MGST1: variants seen among roughly 807,000 people sequenced by gnomAD.
MGST1 encodes glutathione S-transferase 12.
Under a neutral mutation model 8.9 loss-of-function variants are expected in MGST1, and 5 were observed. The observed-to-expected ratio is 0.56, with a 90% CI of 0.29 to 1.19. MGST1 has a LOEUF of 1.19. MGST1 is among the 50% of genes most tolerant of loss of function. The probability of loss-of-function intolerance (pLI) is 0.08; values close to 1 mark genes in which losing one functional copy is unlikely to be tolerated. For synonymous variants in MGST1, 54 were observed against 67.8 expected (o/e 0.80, Z 1.00); for missense variants, 182 against 187.4 (o/e 0.97, Z 0.17).
chr12:16,454,899 A>T (rs1299029425), intron 4 of MGST1, among the ~76,000 whole-genome samples: 1 of 140,360 alleles, frequency 7.1e-6, no homozygotes, highest in African/African-American at 2.6e-5. Context: ...AAAAAAAAAA[A>T]AAAAAGGAGA....
downstream of MGST1, among the ~76,000 whole-genome samples, chr12:16,442,468 C>T (rs1046149900): frequency 6.6e-6 from 1 of 151,778 alleles, no homozygotes; most frequent in Non-Finnish European, 1.5e-5. This position sits in a 1 kb window ranked among gnomAD's most constrained non-coding sequence, Gnocchi z 4.5. Context: ...ACATCTGTGA[C>T]CCATTTTCAG....
At chr12:16,418,127 A>G (rs1940802080) in intron 1 of MGST1, among the ~76,000 whole-genome samples, 2 of 152,180 alleles carry the variant, frequency 1.3e-5, no homozygotes, top group African/African-American at 4.8e-5. Flanking sequence ...ATTACTGAGT[A>G]TCATCCATGG....
chr12:16,368,587 G>C (rs1217456402), downstream of MGST1, among the ~76,000 whole-genome samples: 2 of 152,062 alleles, frequency 1.3e-5, no homozygotes, highest in Non-Finnish European at 2.9e-5. Flanking sequence ...GTAAACTGTT[G>C]GATTTGACAA....
At chr12:16,441,424 C>G (rs1339522654), downstream of MGST1, among the ~76,000 whole-genome samples, 2 of 151,846 alleles carry the variant, frequency 1.3e-5, no homozygotes, top group African/African-American at 2.4e-5. Context: ...GTTATGATAT[C>G]TATCCACTAT....
chr12:16,539,884 A>G (rs946113351), intron 4 of MGST1, among the ~76,000 whole-genome samples: 10 of 152,214 alleles, frequency 6.6e-5, no homozygotes, highest in African/African-American at 2.4e-4. Flanking sequence ...AAGGCCCTTC[A>G]TCACTGGATT....
chr12:16,401,934 T>A lies in MGST1; in HGVS notation n.778+18330T>A. ...TGTATATGCCACAACTGCACTGATA[T>A]CTATTTTGTCAAAGCCTTCTTTGTT... On this transcript the variant is annotated intron_variant and non_coding_transcript_variant, in intron 1 of 1. Coordinates refer to the MGST1 transcript ENST00000359720. The surrounding 1 kb of genome is among the most constrained non-coding windows in gnomAD (Gnocchi z 4.3). The A allele has an allele frequency of 6.2e-7, 1 of 1,610,694 alleles. No individual in the cohort carries two copies. The highest frequency in any genetic ancestry group is 1.3e-5 in the African/African-American group (1 of 74,986).
intron 4 of MGST1, among the ~76,000 whole-genome samples, chr12:16,480,834 G>A (rs1401805038): frequency 6.6e-6 from 1 of 152,116 alleles, no homozygotes; most frequent in Non-Finnish European, 1.5e-5. Context: ...GCTTTGGGAG[G>A]CCCAGGCAGG....
chr12:16,367,922 T>TTTTTTTTTTTTTTTTTTGA (rs1565440579), downstream of MGST1, among the ~76,000 whole-genome samples: 15 of 152,178 alleles, frequency 9.9e-5, no homozygotes, highest in African/African-American at 2.4e-4. Flanking sequence ...TCCTGTTTCT[T>TTTTTTTTTTTTTTTTTTGA]GGGCTATCCA....
At chr12:16,551,186 A>G (rs1022038410) in intron 4 of MGST1, 12 of 1,255,838 alleles carry the variant, frequency 9.6e-6, no homozygotes, top group African/African-American at 8.8e-5. Context: ...AAAAGAATGT[A>G]GTGCTTTGTA....
chr12:16,532,074 AAAC>A (rs1766770078), intron 4 of MGST1, among the ~76,000 whole-genome samples: 1 of 152,142 alleles, frequency 6.6e-6, no homozygotes, highest in South Asian at 2.1e-4. Flanking sequence ...GTCCAGGAGG[AAAC>A]AGAAGTTCAA....
At chr12:16,382,160 G>C (rs1164544275), downstream of MGST1, among the ~76,000 whole-genome samples, 1 of 152,096 alleles carries the variant, frequency 6.6e-6, no homozygotes, top group African/African-American at 2.4e-5. Flanking sequence ...TCTCTGTCCC[G>C]CTTTGTTCCG....
At chr12:16,451,421 G>A (rs1941128195) in intron 4 of MGST1, among the ~76,000 whole-genome samples, 1 of 151,678 alleles carries the variant, frequency 6.6e-6, no homozygotes, top group Middle Eastern at 3.2e-3. Flanking sequence ...CACTTTTTAT[G>A]CATTACATAT....
Position 16,589,075 on chromosome 12 carries a change from C to T in MGST1, n.483-453C>T, listed in dbSNP as rs929527576. 1.3e-5 allele frequency among the ~76,000 whole-genome samples: 2 copies of T among 152,034 alleles called. No individual in the cohort carries two copies. Among genetic ancestry groups the T allele is most frequent in the East Asian group, 1.9e-4 (1 of 5,190 alleles). ...CTGGGGTGTAGCAGAAGGGGGTCGA[C>T]GTCAGGTCTGGATACCTCACCGTGA... On this transcript the variant is annotated intron_variant and non_coding_transcript_variant, in intron 4 of 4. Coordinates refer to the MGST1 transcript ENST00000538857. This position sits in a 1 kb window ranked among gnomAD's most constrained non-coding sequence, Gnocchi z 4.2.
At chr12:16,412,727 T>G (rs913918165) in intron 1 of MGST1, among the ~76,000 whole-genome samples, 1 of 152,162 alleles carries the variant, frequency 6.6e-6, no homozygotes, top group Non-Finnish European at 1.5e-5. Flanking sequence ...ATGTGAGATG[T>G]GCCTTTGCTC....
At chr12:16,520,427 AATGAT>A (rs1941641392) in intron 4 of MGST1, among the ~76,000 whole-genome samples, 1 of 151,812 alleles carries the variant, frequency 6.6e-6, no homozygotes, top group Admixed American at 6.6e-5. Flanking sequence ...GAGGAAGCCT[AATGAT>A]GGAGTTTAGG....
chr12:16,400,017 C>T (rs1003582254), intron 1 of MGST1: 5 of 1,553,172 alleles, frequency 3.2e-6, no homozygotes, highest in Admixed American at 3.3e-5. Context: ...TGTTAAATCC[C>T]AAGTCCCTAA....
intron 4 of MGST1, among the ~76,000 whole-genome samples, chr12:16,506,836 T>G (rs1217727580): frequency 6.6e-6 from 1 of 152,186 alleles, no homozygotes; most frequent in Non-Finnish European, 1.5e-5. Context: ...ACTTTAAACA[T>G]TAGGATCAAC....
downstream of MGST1, among the ~76,000 whole-genome samples, chr12:16,440,475 T>G (rs911047240): frequency 6.6e-6 from 1 of 151,842 alleles, no homozygotes; most frequent in Non-Finnish European, 1.5e-5. Flanking sequence ...GGTCCTGAAC[T>G]CCATGTGGAC....
intron 4 of MGST1, among the ~76,000 whole-genome samples, chr12:16,488,783 TA>T (rs926351119): frequency 1.3e-5 from 2 of 152,146 alleles, no homozygotes; most frequent in Non-Finnish European, 2.9e-5. Context: ...TGCATTTTTT[TA>T]ATCACTATTT....
Sources: allele counts gnomAD v4.1 joint callset (sites outside exome capture counted in the v4.1 genomes callset), GRCh38; gene constraint gnomAD v4.1.1; non-coding constraint Gnocchi (gnomAD v3.1); transcripts MANE v1.5; gene names NCBI Gene and HGNC (gene_info 2026-07-23, HGNC 2026-07-21).